Variants in CRACD observed in about 807,000 individuals in gnomAD.
CRACD encodes the protein capping protein-inhibiting regulator of actin dynamics.
In CRACD, 56 loss-of-function variants were observed where a neutral mutation model predicts 106.8. The observed-to-expected ratio is 0.52, with a 90% CI of 0.42 to 0.66. CRACD has a LOEUF of 0.66. CRACD is among the 30% of genes least tolerant of loss of function. The probability of loss-of-function intolerance (pLI) is 0.00; values close to 1 mark genes in which losing one functional copy is unlikely to be tolerated. For synonymous variants in CRACD, 754 were observed against 670.8 expected, an observed-to-expected ratio of 1.12 and a Z score of -1.92; for missense variants, 1,730 against 1,623.2, an observed-to-expected ratio of 1.07 and a Z score of -1.13.
chr4:56,288,694 T>C (rs1743520404), intron 3 of CRACD: 2 of 152,302 alleles, frequency 1.3e-5, no homozygotes, highest in African/African-American at 4.8e-5. Context: ...GTGGAGGAGA[T>C]CAAGATGATG....
intron 4 of CRACD, among the ~76,000 whole-genome samples, chr4:56,302,596 G>A (rs372288414): frequency 1.4e-4 from 22 of 152,218 alleles, no homozygotes; most frequent in African/African-American, 4.8e-4. Context: ...ATAAACACCC[G>A]CTCTTAGCCA....
chr4:56,101,883 A>G (rs1733786851), intron 1 of CRACD, among the ~76,000 whole-genome samples: 1 of 151,966 alleles, frequency 6.6e-6, no homozygotes, highest in East Asian at 1.9e-4. Context: ...TTCCACTCAG[A>G]TTTGTTTAGG....
chr4:56,250,812 GTTTAATA>G (rs1282552959), intron 2 of CRACD, among the ~76,000 whole-genome samples: 1 of 152,208 alleles, frequency 6.6e-6, no homozygotes, highest in East Asian at 1.9e-4. Flanking sequence ...CATGGCCTAA[GTTTAATA>G]CAGTATACTA....
intron 1 of CRACD, among the ~76,000 whole-genome samples, chr4:56,129,495 C>T (rs531560455): frequency 1.6e-4 from 25 of 152,310 alleles, no homozygotes; most frequent in African/African-American, 5.3e-4. Flanking sequence ...TTTGCAATGA[C>T]TTTACAGATT....
At chr4:56,306,759 C>T (rs1005808960) in intron 4 of CRACD, among the ~76,000 whole-genome samples, 1 of 152,128 alleles carries the variant, frequency 6.6e-6, no homozygotes, top group African/African-American at 2.4e-5. Context: ...TTTTCCCCTC[C>T]CTTTTCCCTG....
chr4:56,249,465 C>T (rs1184555247), intron 2 of CRACD, among the ~76,000 whole-genome samples: 4 of 150,634 alleles, frequency 2.7e-5, no homozygotes, highest in Non-Finnish European at 5.9e-5. Flanking sequence ...ATTGTAGATT[C>T]TGGATATTAG....
chr4:56,302,419 G>T lies in CRACD; in HGVS notation c.120+4070G>T, dbSNP rs1416170872. Among the ~76,000 whole-genome samples the T allele has an allele frequency of 2.6e-5, 4 of 152,282 alleles. No homozygotes were observed. In the East Asian group the frequency reaches 7.7e-4, roughly 29 times the overall value. ...ATTGTTAGGATTATACCACACCTTTGTCAGGAAATGCTTAGTCTGTTTGTA... is the reference window on the plus strand; with the variant it reads ...ATTGTTAGGATTATACCACACCTTTTTCAGGAAATGCTTAGTCTGTTTGTA... On this transcript the variant is annotated intron_variant, in intron 4 of 10. Coordinates refer to ENST00000682029, the MANE Select transcript of CRACD (RefSeq NM_001393381.1).
At chr4:56,321,953 G>C (rs1248416524) in intron 8 of CRACD, among the ~76,000 whole-genome samples, 2 of 152,082 alleles carry the variant, frequency 1.3e-5, no homozygotes, top group Non-Finnish European at 2.9e-5. Flanking sequence ...TCTCATCACT[G>C]CTCTTTCTTT....
intron 2 of CRACD, among the ~76,000 whole-genome samples, chr4:56,244,552 G>C (rs1740569750): frequency 6.6e-6 from 1 of 152,190 alleles, no homozygotes; most frequent in African/African-American, 2.4e-5. Flanking sequence ...GCTAGTATAT[G>C]TCAGGGTGGC....
chr4:56,314,819 AGG>A lies in CRACD; in HGVS notation c.1318_1319del (p.Gly440ThrfsTer74). The A allele has an allele frequency of 6.2e-7, 1 of 1,609,826 alleles. No individual in the cohort carries two copies. Among genetic ancestry groups the A allele is most frequent in the Non-Finnish European group, 8.5e-7 (1 of 1,178,786 alleles). Reference protein sequence around the residue: ...LEDQERLKPEGQREHSEEPGI... With the variant: ...LEDQERLKPEXQREHSEEPGI... The stretch of plus-strand genomic sequence containing the variant: ...AAGACCAGGAACGCCTGAAACCCGA[AGG>A]ACAAAGAGAACACTCCGAGGAGCCA... On this transcript the variant is annotated frameshift_variant, in exon 8 of 11. Coordinates refer to ENST00000682029, the MANE Select transcript of CRACD (RefSeq NM_001393381.1). LOFTEE classifies it high-confidence loss of function. This position sits in a 1 kb window ranked among gnomAD's most constrained non-coding sequence, Gnocchi z 4.4.
At chr4:56,267,625 T>C (rs930781724) in intron 2 of CRACD, among the ~76,000 whole-genome samples, 1 of 152,208 alleles carries the variant, frequency 6.6e-6, no homozygotes, top group African/African-American at 2.4e-5. Flanking sequence ...TCTTTTTTTC[T>C]TACGGTAAGA....
chr4:56,249,013 T>G lies in CRACD; in HGVS notation c.-188-23308T>G, dbSNP rs1158950153. Among the ~76,000 whole-genome samples, 4 of 80,260 alleles carry G rather than the reference T, an allele frequency of 5.0e-5. 1 individual carries two copies. The highest frequency in any genetic ancestry group is 1.0e-4 in the Non-Finnish European group (4 of 39,504). The allele number at this position is 80,260 out of a possible 152,430, so 52.7% of individuals were successfully genotyped here. On this transcript the variant is annotated intron_variant, in intron 2 of 10. Transcript: ENST00000682029. ...GGTTGGTTCCAAGTCTTTGCTATTG[T>G]GAATAATACCGCAATAAACATACAT...
At chr4:56,308,226 G>A (rs955461531) in intron 5 of CRACD, among the ~76,000 whole-genome samples, 2 of 152,142 alleles carry the variant, frequency 1.3e-5, no homozygotes, top group African/African-American at 4.8e-5. Context: ...GAAATGCGTA[G>A]GGGCTCCATG....
chr4:56,206,679 C>T (rs190692731), intron 2 of CRACD, among the ~76,000 whole-genome samples: 9 of 152,216 alleles, frequency 5.9e-5, no homozygotes, highest in East Asian at 1.9e-4. Context: ...TTTTGTCTGT[C>T]GGGGCCTAGT....
At chr4:56,142,309 T>A (rs1277589760) in intron 1 of CRACD, among the ~76,000 whole-genome samples, 2 of 152,200 alleles carry the variant, frequency 1.3e-5, no homozygotes, top group African/African-American at 4.8e-5. Flanking sequence ...TGCCATAATT[T>A]AATTAGCCAC....
At position 56,216,572 on chromosome 4, in the gene CRACD, G is replaced by A. The variant is rs150602936; in HGVS notation, c.-189+37142G>A. ...TAGAGGGATACACTCTCTGTGGGGT[G>A]TGTGTGTGTGTGACTGTGTTCCATA... On this transcript the variant is annotated intron_variant, in intron 2 of 10. Transcript: ENST00000682029. 1.4e-4 allele frequency among the ~76,000 whole-genome samples: 22 copies of A among 151,986 alleles called. 1 individual carries two copies. The highest frequency in any genetic ancestry group is 3.4e-3 in the Middle Eastern group (1 of 294).
intron 2 of CRACD, among the ~76,000 whole-genome samples, chr4:56,239,325 A>T (rs1740219114): frequency 6.6e-6 from 1 of 151,830 alleles, no homozygotes; most frequent in Non-Finnish European, 1.5e-5. Flanking sequence ...ATAATATTAT[A>T]GAACTTAGAA....
chr4:56,068,605 C>G (rs1027403529), intron 1 of CRACD, among the ~76,000 whole-genome samples: 2 of 152,034 alleles, frequency 1.3e-5, no homozygotes, highest in African/African-American at 4.8e-5. Context: ...TGGATCAGAG[C>G]AACAGTGATA....
intron 1 of CRACD, among the ~76,000 whole-genome samples, chr4:56,089,358 T>C (rs923248085): frequency 6.6e-6 from 1 of 152,146 alleles, no homozygotes; most frequent in African/African-American, 2.4e-5. Context: ...AGGGTTCACT[T>C]TGCGGATTTG....
Sources: allele counts gnomAD v4.1 joint callset (sites outside exome capture counted in the v4.1 genomes callset), GRCh38; gene constraint gnomAD v4.1.1; non-coding constraint Gnocchi (gnomAD v3.1); transcripts MANE v1.5; gene names NCBI Gene and HGNC (gene_info 2026-07-23, HGNC 2026-07-21).